MAP2: variants seen among roughly 807,000 people sequenced by gnomAD.
MAP2 encodes the protein microtubule-associated protein 2.
In MAP2, 14 loss-of-function variants were observed where a neutral mutation model predicts 137.6. The ratio of observed to expected loss-of-function variants is 0.10; its 90% CI spans 0.07 to 0.16. The LOEUF (loss-of-function observed/expected upper bound fraction) is 0.16. Among genes scored for constraint, MAP2 ranks in the 10% least tolerant of loss-of-function variants. The probability of loss-of-function intolerance (pLI) is 1.00; values close to 1 mark genes in which losing one functional copy is unlikely to be tolerated. For missense variants in MAP2, 2,088 were observed against 2,191.5 expected, an observed-to-expected ratio of 0.95 and a Z score of 0.94; for synonymous variants, 786 against 782.3, an observed-to-expected ratio of 1.00 and a Z score of -0.08.
In MAP2 at chr2:209,509,027, A is replaced by G. The variant is rs1189014302; in HGVS notation, c.-172+1386A>G. 3.3e-5 allele frequency among the ~76,000 whole-genome samples: 5 copies of G among 152,078 alleles called. No individual in the cohort carries two copies. In the South Asian group the frequency reaches 6.2e-4, roughly 19 times the overall value. On this transcript the variant is annotated intron_variant, in intron 2 of 15. Transcript: ENST00000682079. ...AAGTATACATCATTGAATCAGTAATATTTTCAATGCACAGAGTTAAGTTTT... is the reference window on the plus strand; with the variant it reads ...AAGTATACATCATTGAATCAGTAATGTTTTCAATGCACAGAGTTAAGTTTT...
At chr2:209,544,589 C>T (rs2067676629) in intron 2 of MAP2, among the ~76,000 whole-genome samples, 1 of 152,150 alleles carries the variant, frequency 6.6e-6, no homozygotes, top group Admixed American at 6.5e-5. Context: ...AGTCATTTTA[C>T]CGATGAAGCC....
At chr2:209,664,256 T>C (rs1045028722) in intron 5 of MAP2, among the ~76,000 whole-genome samples, 4 of 152,324 alleles carry the variant, frequency 2.6e-5, no homozygotes, top group African/African-American at 7.2e-5. Flanking sequence ...TGAATTAATA[T>C]AAAGAAGAGA....
intron 13 of MAP2, among the ~76,000 whole-genome samples, chr2:209,724,914 G>A (rs1183275473): frequency 1.3e-5 from 2 of 152,202 alleles, no homozygotes; most frequent in Admixed American, 1.3e-4. Context: ...CACCTAAGTG[G>A]AAAAGGATAA....
intron 2 of MAP2, among the ~76,000 whole-genome samples, chr2:209,536,031 G>T (rs182542868): frequency 6.6e-6 from 1 of 152,206 alleles, no homozygotes; most frequent in East Asian, 1.9e-4. Flanking sequence ...AACTTTCTTA[G>T]AATGAGACAG....
chr2:209,446,810 T>G (rs1699176030), intron 1 of MAP2, among the ~76,000 whole-genome samples: 1 of 145,782 alleles, frequency 6.9e-6, no homozygotes, highest in Non-Finnish European at 1.6e-5. Context: ...ATCCTACTGC[T>G]GTGTTTAAAT....
intron 1 of MAP2, 150 bp from the exon 2 acceptor site, chr2:209,507,442 T>A (rs2061213218): frequency 6.6e-6 from 1 of 152,120 alleles, no homozygotes; most frequent in South Asian, 2.1e-4. Flanking sequence ...TACATAACCG[T>A]CACGTATTGT....
Position 209,694,241 on chromosome 2 carries a change from G to T in MAP2, c.2071G>T (p.Gly691Cys). The T allele has an allele frequency of 1.9e-6, 3 of 1,614,036 alleles. No homozygotes were observed. The highest frequency in any genetic ancestry group is 2.5e-6 in the Non-Finnish European group (3 of 1,179,984). ...LTLSRSLGLGGRSAIEQRSMS... is the reference protein window; with the variant it reads ...LTLSRSLGLGCRSAIEQRSMS... ...CCTTAGCAGGAGTTTAGGACTTGGT[G>T]GTAGGTCTGCAATAGAACAAAGAAG... The change falls in exon 8 of 16, where the codon GGT (glycine) becomes TGT (cysteine). Residue 691 changes from glycine to cysteine, a missense_variant. Gly to Cys is a radical substitution (Grantham distance 159, BLOSUM62 -3). Transcript: ENST00000682079.
chr2:209,648,056 C>T (rs2094522069), intron 4 of MAP2, among the ~76,000 whole-genome samples: 1 of 151,156 alleles, frequency 6.6e-6, no homozygotes, highest in African/African-American at 2.4e-5. Context: ...ACAATAAAGT[C>T]AAGTGTAATA....
chr2:209,568,604 G>T lies in MAP2; in HGVS notation c.-171-11432G>T, dbSNP rs190419323. Among the ~76,000 whole-genome samples, 3 of 152,046 alleles carry T rather than the reference G, an allele frequency of 2.0e-5. No individual in the cohort carries two copies. The East Asian group carries it at 5.8e-4, about 29-fold the overall frequency. Reference sequence around the variant, plus strand: ...TATATTAATCTTCAGTGCTTAGAAAGCAGTCAACAAAATAGCTCCTTTTAG... The same window carrying T: ...TATATTAATCTTCAGTGCTTAGAAATCAGTCAACAAAATAGCTCCTTTTAG... On this transcript the variant is annotated intron_variant, in intron 2 of 15. Coordinates refer to ENST00000682079, the MANE Select transcript of MAP2 (RefSeq NM_001375505.1).
chr2:209,579,937 A>G (rs2076024359), intron 2 of MAP2, 99 bp from the exon 3 acceptor site: 1 of 151,950 alleles, frequency 6.6e-6, no homozygotes, highest in African/African-American at 2.4e-5. Flanking sequence ...ATTTGAGTAT[A>G]AAGAATGCAT....
intron 6 of MAP2, among the ~76,000 whole-genome samples, 191 bp downstream of exon 6, chr2:209,678,876 T>C (rs559679884): frequency 6.6e-6 from 1 of 152,270 alleles, no homozygotes; most frequent in East Asian, 1.9e-4. Flanking sequence ...AGTGTTTGCA[T>C]AGTCTTTCGT....
At chr2:209,435,623 G>A (rs1695731078) in intron 1 of MAP2, among the ~76,000 whole-genome samples, 1 of 151,660 alleles carries the variant, frequency 6.6e-6, no homozygotes, top group Non-Finnish European at 1.5e-5. Context: ...GAAATGGCAT[G>A]AGGAATGTGA....
At chr2:209,425,109 G>T (rs969790965) in intron 1 of MAP2, among the ~76,000 whole-genome samples, 4 of 151,344 alleles carry the variant, frequency 2.6e-5, no homozygotes, top group Non-Finnish European at 5.9e-5. Flanking sequence ...GGTGTGTATA[G>T]GGGGAGGGGT....
intron 1 of MAP2, among the ~76,000 whole-genome samples, chr2:209,433,035 A>T (rs913338472): frequency 6.6e-6 from 1 of 152,098 alleles, no homozygotes; most frequent in Non-Finnish European, 1.5e-5. Flanking sequence ...ATCATAGCCC[A>T]TGGTTCATTC....
At chr2:209,717,370 G>A (rs368736052) in intron 13 of MAP2, among the ~76,000 whole-genome samples, 13 of 152,206 alleles carry the variant, frequency 8.5e-5, no homozygotes, top group African/African-American at 2.9e-4. Context: ...AGAACAGCAA[G>A]GGGGAAATCT....
intron 13 of MAP2, among the ~76,000 whole-genome samples, chr2:209,723,841 A>C (rs1174052107): frequency 6.6e-6 from 1 of 152,000 alleles, no homozygotes; most frequent in African/African-American, 2.4e-5. Flanking sequence ...GTAGCCTTGC[A>C]TTTTCAGTGA....
intron 3 of MAP2, among the ~76,000 whole-genome samples, chr2:209,601,580 G>A (rs575775946): frequency 8.0e-4 from 121 of 152,194 alleles, no homozygotes; most frequent in African/African-American, 2.8e-3. Flanking sequence ...GGCTATAAAG[G>A]GGTGGTCCTG....
chr2:209,636,668 T>C (rs2093600817), intron 4 of MAP2, among the ~76,000 whole-genome samples: 3 of 151,922 alleles, frequency 2.0e-5, no homozygotes. Flanking sequence ...TCCATATACA[T>C]ACATCTATGG....
chr2:209,563,534 G>A (rs288085), intron 2 of MAP2, among the ~76,000 whole-genome samples: 10,936 of 151,888 alleles, frequency 0.072, 938 homozygotes, highest in South Asian at 0.23. Context: ...CACCTGCATC[G>A]CCACCAGCTT....
Sources: allele counts gnomAD v4.1 joint callset (sites outside exome capture counted in the v4.1 genomes callset), GRCh38; gene constraint gnomAD v4.1.1; transcripts MANE v1.5; gene names NCBI Gene and HGNC (gene_info 2026-07-23, HGNC 2026-07-21).